The following CALCOCO1 variants were observed in gnomAD, a reference collection of about 807,000 sequenced individuals.
The protein encoded by CALCOCO1 is calcium binding and coiled-coil domain 1.
In CALCOCO1, 44 loss-of-function variants were observed where a neutral mutation model predicts 86.3. The ratio of observed to expected loss-of-function variants is 0.51; its 90% confidence interval spans 0.40 to 0.66. CALCOCO1 has a LOEUF of 0.66. Among genes scored for constraint, CALCOCO1 ranks in the 30% least tolerant of loss-of-function variants. The pLI is 0.00. For missense variants in CALCOCO1, 708 were observed against 851.1 expected, an observed-to-expected ratio of 0.83 and a Z score of 2.09; for synonymous variants, 297 against 327.6, an observed-to-expected ratio of 0.91 and a Z score of 1.01.
At chr12:53,723,550 C>G (rs758779761) in intron 4 of CALCOCO1, 43 bp downstream of exon 4, 1 of 1,603,140 alleles carries the variant, frequency 6.2e-7, no homozygotes, top group Admixed American at 1.7e-5. Flanking sequence ...AATGCTGTCT[C>G]CCACTCCCTT....
At chr12:53,715,388 C>A in intron 9 of CALCOCO1, 63 bp from the exon 10 acceptor site, 1 of 1,593,488 alleles carries the variant, frequency 6.3e-7, no homozygotes. Flanking sequence ...ACGCCACTGT[C>A]AACAGCACCA....
chr12:53,713,971 G>A (rs565964660), intron 12 of CALCOCO1, 71 bp from the exon 13 acceptor site: 1 of 1,379,360 alleles, frequency 7.2e-7, no homozygotes, highest in East Asian at 2.3e-5. Context: ...TGTCTCCTCT[G>A]GATGAGGGGT....
At chr12:53,718,396 T>C (rs1006191700) in intron 7 of CALCOCO1, among the ~76,000 whole-genome samples, 2 of 152,196 alleles carry the variant, frequency 1.3e-5, no homozygotes, top group Admixed American at 6.5e-5. Context: ...TTCAAATTTA[T>C]AAAAATAAAT....
chr12:53,713,844 G>A lies in CALCOCO1; in HGVS notation c.1648C>T (p.Pro550Ser), dbSNP rs777273475. 1 of 1,542,384 alleles carries A rather than the reference G, an allele frequency of 6.5e-7. No homozygotes were observed. Among genetic ancestry groups the A allele is most frequent in the South Asian group, 1.3e-5 (1 of 79,126 alleles). Residue 550 changes from proline (P) to serine (S), a missense_variant, in exon 13 of 15, where the codon CCA becomes TCA. By Grantham distance (74) the Pro-to-Ser change is moderately conservative. Transcript: ENST00000550804. ...EDESPEDMRL[P>S]PYGLCERGDP... ...CCACGCTCACAAAGGCCATAGGGTG[G>A]GAGCCTCATGTCTTCTGGGGACTCG...
chr12:53,713,410 TG>T (rs1945631246), intron 13 of CALCOCO1, among the ~76,000 whole-genome samples: 1 of 152,124 alleles, frequency 6.6e-6, no homozygotes, highest in African/African-American at 2.4e-5. Flanking sequence ...GCTATTGGGC[TG>T]GTCTGGGTTT....
Position 53,722,154 on chromosome 12 carries a change from C to G in CALCOCO1, c.480G>C (p.Arg160=). ...GTAGCTTCAGCTGCATCAGGTCATT[C>G]CGTTCTTGCTGGCTCTCATCGAGCT... is the stretch of plus-strand genomic sequence containing the variant. ...QNQLDESQQE[R]NDLMQLKLQL... is the part of the protein sequence containing the mutation. Residue 160 remains arginine (R), a synonymous_variant, in exon 5 of 15, where the codon CGG becomes CGC. Transcript: ENST00000550804. The G allele has an allele frequency of 6.2e-7, 1 of 1,613,652 alleles. No individual in the cohort carries two copies. The highest frequency in any genetic ancestry group is 2.2e-5 in the East Asian group (1 of 44,894).
At position 53,723,698 on chromosome 12, in the gene CALCOCO1, A is replaced by AG; in HGVS notation, c.344dup (p.Gln117ProfsTer10). ...TGGGCCTTGGCTCTCGGAACTGGAA[A>AG]GGGGGGCTCTGCCCACACACCTGGC... On this transcript the variant is annotated frameshift_variant, in exon 4 of 15. Coordinates refer to ENST00000550804, the MANE Select transcript of CALCOCO1 (RefSeq NM_020898.3). LOFTEE classifies it high-confidence loss of function. 6.2e-7 allele frequency: 1 copy of AG among 1,614,196 alleles called. No individual in the cohort carries two copies. The highest frequency in any genetic ancestry group is 8.5e-7 in the Non-Finnish European group (1 of 1,180,022).
In CALCOCO1 at chr12:53,722,188, A is replaced by G. The variant is rs779384225; in HGVS notation, c.451-5T>C. 6 of 1,612,172 alleles carry G rather than the reference A, an allele frequency of 3.7e-6. No individual in the cohort carries two copies. Among genetic ancestry groups the G allele is most frequent in the Admixed American group, 1.7e-5 (1 of 60,006 alleles). ...CTGGCTCTCATCGAGCTGGTTCTAC[A>G]GGCAGCAGAAGGAGAAGGGGAGTGT... On this transcript the variant is annotated splice_polypyrimidine_tract_variant and splice_region_variant and intron_variant, in intron 4 of 14. Coordinates refer to ENST00000550804, the MANE Select transcript of CALCOCO1 (RefSeq NM_020898.3).
At chr12:53,719,704 C>A (rs574062166) in intron 7 of CALCOCO1, 35 bp downstream of exon 7, 2 of 1,467,174 alleles carry the variant, frequency 1.4e-6, no homozygotes, top group African/African-American at 2.8e-5. Context: ...ACTGGCTGGA[C>A]AATGGAGAAA....
intron 3 of CALCOCO1, 97 bp downstream of exon 3, chr12:53,724,548 C>T: frequency 1.2e-6 from 1 of 855,556 alleles, no homozygotes; most frequent in Admixed American, 2.0e-5. Flanking sequence ...TTTCCTTGTC[C>T]TTTGTGCCTA....
chr12:53,711,792 G>T lies in CALCOCO1; in HGVS notation c.*152C>A. ...GGAGAGGATGAAGTGAGAAATCTTG[G>T]GATGAAAACAGGGCACACAGAAGCA... On this transcript the variant is annotated 3_prime_UTR_variant, in exon 15 of 15. Coordinates refer to ENST00000550804, the MANE Select transcript of CALCOCO1 (RefSeq NM_020898.3). 1 of 627,036 alleles carries T rather than the reference G, an allele frequency of 1.6e-6. No individual in the cohort carries two copies. Among genetic ancestry groups the T allele is most frequent in the Non-Finnish European group, 2.5e-6 (1 of 406,950 alleles). The allele number at this position is 627,036 out of a possible 1,614,324, so 38.8% of individuals were successfully genotyped here. A position where few individuals can be genotyped will look rare whatever the true frequency, so the allele number is the denominator to read the frequency against.
chr12:53,721,360 A>C (rs1370449680), intron 6 of CALCOCO1, 107 bp downstream of exon 6: 13 of 1,009,744 alleles, frequency 1.3e-5, no homozygotes, highest in Non-Finnish European at 1.7e-5. Flanking sequence ...AGAGGGAAAG[A>C]GAAAGCGTGT....
intron 7 of CALCOCO1, 86 bp from the exon 8 acceptor site, chr12:53,716,501 G>T: frequency 7.1e-7 from 1 of 1,402,710 alleles, no homozygotes; most frequent in Non-Finnish European, 9.9e-7. Flanking sequence ...GAGAGGTCAA[G>T]GTTCCACTTC....
chr12:53,713,470 C>T (rs1277614634), intron 13 of CALCOCO1, among the ~76,000 whole-genome samples: 1 of 152,128 alleles, frequency 6.6e-6, no homozygotes, highest in East Asian at 1.9e-4. Flanking sequence ...GGGCCTGCCT[C>T]CTCTCCCCTG....
chr12:53,724,759 C>G lies in CALCOCO1; in HGVS notation c.157-12G>C. On this transcript the variant is annotated splice_polypyrimidine_tract_variant and intron_variant, in intron 2 of 14. Coordinates refer to ENST00000550804, the MANE Select transcript of CALCOCO1 (RefSeq NM_020898.3). ...CAGGCAGCCTCCACCTGTGAAAGCCCAAGGTTGGAGAAAGGTATGGTCATG... is the reference window on the plus strand; with the variant it reads ...CAGGCAGCCTCCACCTGTGAAAGCCGAAGGTTGGAGAAAGGTATGGTCATG... The G allele has an allele frequency of 6.2e-7, 1 of 1,603,984 alleles. No individual in the cohort carries two copies. Among genetic ancestry groups the G allele is most frequent in the Non-Finnish European group, 8.5e-7 (1 of 1,173,468 alleles).
rs747757290 is a variant in CALCOCO1, at chr12:53,725,165, G to C, written c.78C>G (p.Pro26=). 6.2e-7 allele frequency: 1 copy of C among 1,613,438 alleles called. No individual in the cohort carries two copies. Among genetic ancestry groups the C allele is most frequent in the African/African-American group, 1.3e-5 (1 of 75,030 alleles). Residue 26 remains proline (P), a synonymous_variant, in exon 2 of 15, where the codon CCC becomes CCG. Transcript: ENST00000550804. ...NFLNVARTYI[P]NTKVECHYTL... is the part of the protein sequence containing the mutation. ...TGTAGTGACATTCCACCTTGGTGTTGGGGATGTAGGTCCGGGCTACATTGA... is the reference window on the plus strand; with the variant it reads ...TGTAGTGACATTCCACCTTGGTGTTCGGGATGTAGGTCCGGGCTACATTGA...
rs773757342 is a variant in CALCOCO1, at chr12:53,713,911, T to C, written c.1592-11A>G. On this transcript the variant is annotated splice_polypyrimidine_tract_variant and intron_variant, in intron 12 of 14. Coordinates refer to ENST00000550804, the MANE Select transcript of CALCOCO1 (RefSeq NM_020898.3). ...GAGCTGCCGGGCAGCCTGTAGGAGATGAAGCAGGCAGAGAAGAAAAAAGGA... is the reference window on the plus strand; with the variant it reads ...GAGCTGCCGGGCAGCCTGTAGGAGACGAAGCAGGCAGAGAAGAAAAAAGGA... 1.3e-5 allele frequency: 20 copies of C among 1,525,194 alleles called. No individual in the cohort carries two copies. The highest frequency in any genetic ancestry group is 5.6e-5 in the African/African-American group (4 of 71,940). 94.5% of individuals were successfully genotyped at this position (1,525,194 alleles called of 1,614,324 possible).
intron 6 of CALCOCO1, 151 bp downstream of exon 6, chr12:53,721,316 A>G: frequency 1.5e-6 from 1 of 665,760 alleles, no homozygotes. Context: ...TCGGCAGAAA[A>G]GGGTATCCCC....
In CALCOCO1 at chr12:53,710,995, G is replaced by A; in HGVS notation, c.*949C>T. The A allele has an allele frequency of 5.8e-6, 2 of 346,588 alleles. No individual in the cohort carries two copies. 21.5% of individuals were successfully genotyped at this position (346,588 alleles called of 1,614,324 possible). A position where few individuals can be genotyped will look rare whatever the true frequency, so the allele number is the denominator to read the frequency against. On this transcript the variant is annotated 3_prime_UTR_variant, in exon 15 of 15. Coordinates refer to ENST00000550804, the MANE Select transcript of CALCOCO1 (RefSeq NM_020898.3). The stretch of plus-strand genomic sequence containing the variant: ...GGACAGTAACTGCCCAGCATCCCCT[G>A]CCATGAGGCAGGGATGCGTCCCCTC...
Sources: allele counts gnomAD v4.1 joint callset (sites outside exome capture counted in the v4.1 genomes callset), GRCh38; gene constraint gnomAD v4.1.1; transcripts MANE v1.5; gene names NCBI Gene and HGNC (gene_info 2026-07-23, HGNC 2026-07-21).